The following NRG3 variants were observed in gnomAD, a reference collection of about 807,000 sequenced individuals.
NRG3 encodes pro-neuregulin-3, membrane-bound isoform.
Under a neutral mutation model 66.9 loss-of-function variants are expected in NRG3, and 31 were observed. The observed-to-expected ratio is 0.46, with a 90% CI of 0.35 to 0.63. The LOEUF is 0.63. NRG3 is among the 20% of genes least tolerant of loss of function. NRG3 has a pLI of 0.00. For missense variants in NRG3, 910 were observed against 878.9 expected, an observed-to-expected ratio of 1.04 and a Z score of -0.45; for synonymous variants, 393 against 359.4, an observed-to-expected ratio of 1.09 and a Z score of -1.06.
chr10:82,613,409 CTTA>C (rs1477778154), intron 2 of NRG3, among the ~76,000 whole-genome samples: 1 of 151,122 alleles, frequency 6.6e-6, no homozygotes, highest in Non-Finnish European at 1.5e-5. Context: ...GTTTTATTCT[CTTA>C]TTATTTTAAA....
intron 1 of NRG3, among the ~76,000 whole-genome samples, chr10:81,967,988 A>G (rs182742923): frequency 2.0e-5 from 3 of 152,312 alleles, no homozygotes; most frequent in African/African-American, 4.8e-5. Context: ...ATATAAATAT[A>G]TTATGCCTGC....
intron 2 of NRG3, among the ~76,000 whole-genome samples, chr10:82,611,303 A>G (rs932181542): frequency 1.3e-5 from 2 of 151,778 alleles, no homozygotes; most frequent in South Asian, 2.1e-4. Flanking sequence ...GTTCTAGGGT[A>G]CAGGTGCACA....
At chr10:82,885,862 T>A (rs1426281094) in intron 4 of NRG3, among the ~76,000 whole-genome samples, 1 of 149,720 alleles carries the variant, frequency 6.7e-6, no homozygotes, top group African/African-American at 2.5e-5. Flanking sequence ...GCGCCTGGCC[T>A]ATTTTTTTTT....
At chr10:82,702,618 G>A (rs531613020) in intron 2 of NRG3, among the ~76,000 whole-genome samples, 2 of 152,182 alleles carry the variant, frequency 1.3e-5, no homozygotes, top group Non-Finnish European at 2.9e-5. Flanking sequence ...GGAAGGGAAC[G>A]CAGTCCAGAA....
At chr10:82,291,159 C>T (rs984084663) in intron 1 of NRG3, among the ~76,000 whole-genome samples, 8 of 151,824 alleles carry the variant, frequency 5.3e-5, no homozygotes, top group Non-Finnish European at 1.2e-4. Context: ...ATTAACAACA[C>T]ACACACACAC....
chr10:82,263,527 A>G (rs1273411376), intron 1 of NRG3, among the ~76,000 whole-genome samples: 2 of 152,178 alleles, frequency 1.3e-5, no homozygotes, highest in Non-Finnish European at 2.9e-5. Flanking sequence ...TATAGTAAAA[A>G]TGTTCAAAAT....
chr10:82,065,578 G>A (rs918429887), intron 1 of NRG3, among the ~76,000 whole-genome samples: 2 of 152,066 alleles, frequency 1.3e-5, no homozygotes, highest in Non-Finnish European at 2.9e-5. Context: ...AAAAAAATTT[G>A]CTGAATTACT....
chr10:82,512,813 CT>C (rs1293124234), intron 2 of NRG3, among the ~76,000 whole-genome samples: 9 of 152,048 alleles, frequency 5.9e-5, no homozygotes, highest in Admixed American at 5.9e-4. Context: ...ATAAATGAAA[CT>C]GTAGTATATT....
intron 2 of NRG3, among the ~76,000 whole-genome samples, chr10:82,701,230 C>T (rs1427433976): frequency 6.6e-6 from 1 of 152,052 alleles, no homozygotes; most frequent in Non-Finnish European, 1.5e-5. Flanking sequence ...AACTTCTTCC[C>T]TTGTCGGTTT....
At chr10:82,588,349 C>T (rs2046791509) in intron 2 of NRG3, among the ~76,000 whole-genome samples, 1 of 152,080 alleles carries the variant, frequency 6.6e-6, no homozygotes, top group South Asian at 2.1e-4. Context: ...GCACCTTACG[C>T]CTCCTGCCTC....
At chr10:82,607,932 C>T (rs1318211476) in intron 2 of NRG3, among the ~76,000 whole-genome samples, 1 of 152,130 alleles carries the variant, frequency 6.6e-6, no homozygotes, top group East Asian at 1.9e-4. Context: ...CCATGAGTTA[C>T]AATGACCAAA....
chr10:81,891,708 GAC>G (rs1365747036), intron 1 of NRG3, among the ~76,000 whole-genome samples: 1 of 152,170 alleles, frequency 6.6e-6, no homozygotes, highest in Non-Finnish European at 1.5e-5. Context: ...AAGTAATTAA[GAC>G]ACAGTGGGAT....
intron 1 of NRG3, among the ~76,000 whole-genome samples, chr10:82,340,152 T>C (rs1421825822): frequency 6.6e-6 from 1 of 151,996 alleles, no homozygotes; most frequent in East Asian, 1.9e-4. Context: ...AGTGTTAGAG[T>C]TAGTCCTGTT....
chr10:82,000,925 T>C (rs2061138830), intron 1 of NRG3, among the ~76,000 whole-genome samples: 1 of 152,198 alleles, frequency 6.6e-6, no homozygotes, highest in African/African-American at 2.4e-5. Flanking sequence ...AAAATAATTT[T>C]ATTCAATTTA....
chr10:82,271,219 T>C (rs2078577415), intron 1 of NRG3, among the ~76,000 whole-genome samples: 1 of 151,994 alleles, frequency 6.6e-6, no homozygotes, highest in South Asian at 2.1e-4. Flanking sequence ...GGAATAGCTA[T>C]TTATAGAGGA....
intron 1 of NRG3, among the ~76,000 whole-genome samples, chr10:82,055,789 G>T (rs755384088): frequency 6.6e-6 from 1 of 152,114 alleles, no homozygotes; most frequent in African/African-American, 2.4e-5. Flanking sequence ...ATCTTATGTC[G>T]ATGAGAAGGG....
intron 2 of NRG3, among the ~76,000 whole-genome samples, chr10:82,615,035 C>T (rs2048552316): frequency 1.3e-5 from 2 of 152,116 alleles, no homozygotes; most frequent in South Asian, 2.1e-4. Flanking sequence ...ATTCTATACA[C>T]CTGTTCTAGT....
chr10:82,510,361 G>A (rs1026215637), intron 2 of NRG3, among the ~76,000 whole-genome samples: 10 of 152,118 alleles, frequency 6.6e-5, no homozygotes, highest in Non-Finnish European at 1.3e-4. Flanking sequence ...CAGGTCATAA[G>A]CGCAGGCCCC....
chr10:82,329,342 G>GT (rs959901730), intron 1 of NRG3, among the ~76,000 whole-genome samples: 290 of 148,776 alleles, frequency 1.9e-3, no homozygotes, highest in African/African-American at 6.2e-3. Context: ...TACATTGCAA[G>GT]TTTTTTTTTC....
Sources: gnomAD v4.1 joint callset for allele counts (sites outside exome capture counted in the v4.1 genomes callset) on GRCh38, gnomAD v4.1.1 for gene constraint, MANE v1.5 for transcripts, NCBI Gene and HGNC (gene_info 2026-07-23, HGNC 2026-07-21) for gene names.